The following C2CD3 variants were observed in gnomAD, a reference collection of about 807,000 sequenced individuals.
C2CD3 encodes the protein C2 domain-containing protein 3.
Under a neutral mutation model 234.0 loss-of-function variants are expected in C2CD3, and 148 were observed. The observed-to-expected ratio is 0.63, with a 90% CI of 0.55 to 0.72. The LOEUF (loss-of-function observed/expected upper bound fraction) is 0.72. Among genes scored for constraint, C2CD3 ranks in the 30% least tolerant of loss-of-function variants. The pLI, the probability that C2CD3 is intolerant of heterozygous loss-of-function variation, is 0.00. For synonymous variants in C2CD3, 1,000 were observed against 1,035.4 expected, an observed-to-expected ratio of 0.97 and a Z score of 0.66; for missense variants, 2,577 against 2,811.5, an observed-to-expected ratio of 0.92 and a Z score of 1.89.
chr11:74,030,987 C>A (rs1050475472), intron 31 of C2CD3, among the ~76,000 whole-genome samples: 6 of 152,212 alleles, frequency 3.9e-5, no homozygotes, highest in African/African-American at 1.4e-4. Context: ...TACTTCAGGT[C>A]AGACTTTCTT....
At chr11:74,060,255 C>T (rs1053905041) in intron 24 of C2CD3, among the ~76,000 whole-genome samples, 7 of 152,230 alleles carry the variant, frequency 4.6e-5, no homozygotes, top group African/African-American at 1.7e-4. Flanking sequence ...TGTCTGACAG[C>T]TTTGAAGAGA....
At chr11:74,060,625 A>G (rs181042277) in intron 24 of C2CD3, among the ~76,000 whole-genome samples, 39 of 152,358 alleles carry the variant, frequency 2.6e-4, no homozygotes, top group Admixed American at 6.5e-4. Flanking sequence ...GGACGTCACC[A>G]TCATCAAAGA....
rs911307521 is a variant in C2CD3, at chr11:74,057,547, G to A, written c.4952-3C>T. 1.2e-6 allele frequency: 2 copies of A among 1,614,100 alleles called. No homozygotes were observed. The highest frequency in any genetic ancestry group is 3.3e-5 in the Admixed American group (2 of 60,020). Reference sequence around the variant, plus strand: ...TTTCCGCTCTGTCAAGGGGCTCCCTGAAATAGAATAAAGTGCAGTGACTGT... The same window carrying A: ...TTTCCGCTCTGTCAAGGGGCTCCCTAAAATAGAATAAAGTGCAGTGACTGT... On this transcript the variant is annotated splice_polypyrimidine_tract_variant and splice_region_variant and intron_variant, in intron 24 of 32. Coordinates refer to ENST00000334126, the MANE Select transcript of C2CD3 (RefSeq NM_001286577.2).
chr11:74,069,621 C>T (rs546759598), intron 24 of C2CD3, among the ~76,000 whole-genome samples: 5 of 152,184 alleles, frequency 3.3e-5, no homozygotes, highest in Admixed American at 6.5e-5. Context: ...AACCAAGGAA[C>T]AGAGAAGTGG....
At position 74,103,113 on chromosome 11, in the gene C2CD3, T is replaced by G; in HGVS notation, c.2580+18A>C. 1 of 1,596,844 alleles carries G rather than the reference T, an allele frequency of 6.3e-7. No homozygotes were observed. Among genetic ancestry groups the G allele is most frequent in the South Asian group, 1.1e-5 (1 of 88,582 alleles). ...CACCCCTATATTCCTCTAATGGATA[T>G]GGAATGTACAAAGTTACCTGAGAAA... On this transcript the variant is annotated intron_variant, in intron 14 of 32. Coordinates refer to ENST00000334126, the MANE Select transcript of C2CD3 (RefSeq NM_001286577.2).
chr11:74,076,766 T>C (rs188356069), intron 23 of C2CD3, among the ~76,000 whole-genome samples: 1 of 152,300 alleles, frequency 6.6e-6, no homozygotes, highest in Non-Finnish European at 1.5e-5. Flanking sequence ...TTAGAATATC[T>C]CTCTTTCCCC....
rs191106258 is a variant in C2CD3, at chr11:74,083,933, C to G, written c.4000+948G>C. Among the ~76,000 whole-genome samples the G allele has an allele frequency of 4.6e-5, 7 of 152,218 alleles. No homozygotes were observed. The South Asian group carries it at 1.5e-3, about 32-fold the overall frequency. The stretch of plus-strand genomic sequence containing the variant: ...AGAATTACCATTTGACCCAGCCATC[C>G]CATGACTGGGTATATACCCAAAGGA... On this transcript the variant is annotated intron_variant, in intron 22 of 32. Transcript: ENST00000334126.
intron 32 of C2CD3, among the ~76,000 whole-genome samples, chr11:74,022,987 C>T (rs1197889151): frequency 6.6e-6 from 1 of 152,202 alleles, no homozygotes; most frequent in Non-Finnish European, 1.5e-5. Context: ...CCCTGTGAGG[C>T]CTGATAACCC....
chr11:74,037,556 T>G lies in C2CD3; in HGVS notation c.5803A>C (p.Ser1935Arg). ...SCRDHLGPGA[S>R]SLDPGSQCIL... is the part of the protein sequence containing the mutation. ...CACTGGCTCCCAGGGTCTAGGCTGC[T>G]GGCACCTGGCCCAAGATGGTCCCTA... Residue 1935 changes from serine to arginine, a missense_variant, in exon 30 of 33, where the codon AGC (serine) becomes CGC (arginine). Physicochemically the swap from Ser to Arg is moderately radical, Grantham distance 110 (BLOSUM62 -1). Coordinates refer to ENST00000334126, the MANE Select transcript of C2CD3 (RefSeq NM_001286577.2). 1 of 1,614,134 alleles carries G rather than the reference T, an allele frequency of 6.2e-7. No homozygotes were observed. The highest frequency in any genetic ancestry group is 8.5e-7 in the Non-Finnish European group (1 of 1,179,994).
At chr11:74,070,328 C>G (rs1954736666) in intron 24 of C2CD3, among the ~76,000 whole-genome samples, 1 of 152,208 alleles carries the variant, frequency 6.6e-6, no homozygotes, top group Non-Finnish European at 1.5e-5. Context: ...TTGCTGAAGG[C>G]AAAGCTCCTA....
chr11:74,082,206 C>G (rs1005373425), intron 22 of C2CD3, among the ~76,000 whole-genome samples: 2 of 151,086 alleles, frequency 1.3e-5, no homozygotes, highest in African/African-American at 4.9e-5. Context: ...TACTCCGCCT[C>G]CCGGGTTCAT....
intron 23 of C2CD3, among the ~76,000 whole-genome samples, chr11:74,077,899 GCAATAATGGAAGGAA>G (rs1306373906): frequency 7.1e-6 from 1 of 140,792 alleles, no homozygotes; most frequent in Non-Finnish European, 1.5e-5. Context: ...CTTTCAGCAT[GCAATAATGGAAGGAA>G]CACTTACTAG....
At chr11:74,100,196 T>C (rs566073508) in intron 15 of C2CD3, among the ~76,000 whole-genome samples, 1 of 152,316 alleles carries the variant, frequency 6.6e-6, no homozygotes, top group South Asian at 2.1e-4. Flanking sequence ...CTTCACTTTA[T>C]AATGTATGTG....
At chr11:74,100,993 A>C (rs984356666) in intron 14 of C2CD3, among the ~76,000 whole-genome samples, 109 of 152,316 alleles carry the variant, frequency 7.2e-4, no homozygotes, top group African/African-American at 2.5e-3. Flanking sequence ...AACCCTTTCT[A>C]AGGCAAAGTG....
intron 31 of C2CD3, among the ~76,000 whole-genome samples, chr11:74,029,822 C>T (rs1403969377): frequency 2.0e-5 from 3 of 152,218 alleles, no homozygotes; most frequent in African/African-American, 7.2e-5. Context: ...GTGGCGTGAT[C>T]ATGGCACACT....
chr11:74,026,325 C>G (rs901530058), intron 32 of C2CD3, among the ~76,000 whole-genome samples: 1 of 151,562 alleles, frequency 6.6e-6, no homozygotes, highest in East Asian at 1.9e-4. Context: ...AAAAAAACAA[C>G]CAACAGAGAT....
intron 28 of C2CD3, among the ~76,000 whole-genome samples, chr11:74,042,915 T>C (rs1953145675): frequency 6.6e-6 from 1 of 152,246 alleles, no homozygotes; most frequent in South Asian, 2.1e-4. Flanking sequence ...CCTTTCTGGC[T>C]TTGGCTTTTA....
intron 24 of C2CD3, among the ~76,000 whole-genome samples, chr11:74,068,472 G>T (rs1954639855): frequency 6.6e-6 from 1 of 152,106 alleles, no homozygotes; most frequent in South Asian, 2.1e-4. Flanking sequence ...ACAGATAGTT[G>T]CCCAGGGTTA....
At chr11:74,030,873 A>T (rs549442839) in intron 31 of C2CD3, among the ~76,000 whole-genome samples, 1 of 152,158 alleles carries the variant, frequency 6.6e-6, no homozygotes, top group Non-Finnish European at 1.5e-5. Context: ...GTAACTTGTG[A>T]CAGAAACCTC....
Sources: allele counts gnomAD v4.1 joint callset (sites outside exome capture counted in the v4.1 genomes callset), GRCh38; gene constraint gnomAD v4.1.1; transcripts MANE v1.5; gene names NCBI Gene and HGNC (gene_info 2026-07-23, HGNC 2026-07-21).